The following KIAA1217 variants were observed in gnomAD, a reference collection of about 807,000 sequenced individuals.
The protein encoded by KIAA1217 is KIAA1217.
Under a neutral mutation model 163.9 loss-of-function variants are expected in KIAA1217, and 88 were observed. The observed-to-expected ratio is 0.54, with a 90% CI of 0.45 to 0.64. The LOEUF (loss-of-function observed/expected upper bound fraction) is 0.64, where lower values mean the gene tolerates loss of function less well. Ranked by LOEUF, KIAA1217 falls within the 30% of genes least tolerant of loss-of-function variation. KIAA1217 has a pLI of 0.00. For missense variants in KIAA1217, 2,372 were observed against 2,475.0 expected (o/e 0.96, Z 0.88); for synonymous variants, 903 against 923.1 (o/e 0.98, Z 0.39).
intron 2 of KIAA1217, among the ~76,000 whole-genome samples, chr10:24,043,605 A>G (rs952890482): frequency 3.3e-5 from 5 of 152,166 alleles, no homozygotes; most frequent in Non-Finnish European, 5.9e-5. Flanking sequence ...AGACCTTAGA[A>G]GTATTGACAG....
intron 2 of KIAA1217, among the ~76,000 whole-genome samples, chr10:24,238,137 G>A (rs143509999): frequency 6.6e-5 from 10 of 152,324 alleles, no homozygotes; most frequent in African/African-American, 9.6e-5. Context: ...ACAGCAGACT[G>A]CTCCTTCAGC....
chr10:23,951,487 C>T (rs975912636), intron 1 of KIAA1217, among the ~76,000 whole-genome samples: 1 of 152,062 alleles, frequency 6.6e-6, no homozygotes, highest in Non-Finnish European at 1.5e-5. Context: ...AACGCTTTCT[C>T]TATAAAAATA....
chr10:23,811,719 T>A (rs1837064207), intron 1 of KIAA1217, among the ~76,000 whole-genome samples: 1 of 151,898 alleles, frequency 6.6e-6, no homozygotes. Flanking sequence ...GGAACATGAA[T>A]GCTAGAGACA....
At chr10:23,883,893 C>A (rs1347314878) in intron 1 of KIAA1217, among the ~76,000 whole-genome samples, 1 of 152,082 alleles carries the variant, frequency 6.6e-6, no homozygotes, top group Admixed American at 6.6e-5. Context: ...TGACTGGCTT[C>A]TTTCACTTAG....
intron 1 of KIAA1217, among the ~76,000 whole-genome samples, chr10:23,699,574 C>G (rs1365835707): frequency 1.3e-5 from 2 of 152,180 alleles, no homozygotes; most frequent in Admixed American, 1.3e-4. Flanking sequence ...CTCTCCCCAC[C>G]TATGCAACTA....
At chr10:23,697,165 C>G (rs1564345309) in intron 1 of KIAA1217, among the ~76,000 whole-genome samples, 1 of 152,134 alleles carries the variant, frequency 6.6e-6, no homozygotes, top group Non-Finnish European at 1.5e-5. Flanking sequence ...TGTTAACTTA[C>G]CATGCAGAGA....
intron 2 of KIAA1217, among the ~76,000 whole-genome samples, chr10:24,247,048 C>A (rs1354613088): frequency 6.6e-6 from 1 of 150,738 alleles, no homozygotes; most frequent in Non-Finnish European, 1.5e-5. Context: ...TCATTAAATG[C>A]ATGTTCATGC....
intron 1 of KIAA1217, among the ~76,000 whole-genome samples, chr10:23,916,595 C>T (rs1038719262): frequency 3.3e-5 from 5 of 152,010 alleles, no homozygotes; most frequent in Admixed American, 2.0e-4. Flanking sequence ...AAAGTATTTC[C>T]TTGTAAAGGT....
chr10:24,266,763 C>T (rs908888574), intron 2 of KIAA1217, among the ~76,000 whole-genome samples: 4 of 152,218 alleles, frequency 2.6e-5, no homozygotes, highest in South Asian at 2.1e-4. Context: ...GGACAGAAAT[C>T]GAATTTGGGA....
At chr10:23,913,317 T>A (rs1218989090) in intron 1 of KIAA1217, among the ~76,000 whole-genome samples, 1 of 151,976 alleles carries the variant, frequency 6.6e-6, no homozygotes, top group Non-Finnish European at 1.5e-5. Flanking sequence ...ATGAAGTACA[T>A]GAGTTTATAT....
chr10:24,529,245 T>A (rs1435457127), intron 14 of KIAA1217, among the ~76,000 whole-genome samples: 6 of 152,192 alleles, frequency 3.9e-5, no homozygotes, highest in Non-Finnish European at 7.3e-5. Context: ...TCTGAGGACG[T>A]TCCAGTTCCT....
At chr10:24,435,985 C>T (rs1355999198) in intron 4 of KIAA1217, among the ~76,000 whole-genome samples, 7 of 151,944 alleles carry the variant, frequency 4.6e-5, no homozygotes, top group East Asian at 1.9e-4. Flanking sequence ...CTCAGCCTCC[C>T]GAGTAGCTGG....
At chr10:24,081,048 G>T (rs1028086340) in intron 2 of KIAA1217, among the ~76,000 whole-genome samples, 1 of 152,170 alleles carries the variant, frequency 6.6e-6, no homozygotes, top group Non-Finnish European at 1.5e-5. Flanking sequence ...ATTTATTTAA[G>T]AGTCTGATGG....
chr10:24,030,066 C>T (rs892190692), intron 2 of KIAA1217, among the ~76,000 whole-genome samples: 2 of 152,156 alleles, frequency 1.3e-5, no homozygotes, highest in African/African-American at 4.8e-5. Flanking sequence ...GGGCCATTAT[C>T]TAACCCTCAT....
chr10:23,956,050 A>G (rs1475399768), intron 1 of KIAA1217, among the ~76,000 whole-genome samples: 2 of 152,208 alleles, frequency 1.3e-5, no homozygotes, highest in Non-Finnish European at 2.9e-5. Context: ...GTAAGTTACT[A>G]TGGAAATATT....
intron 3 of KIAA1217, among the ~76,000 whole-genome samples, chr10:24,387,258 A>G (rs1298195983): frequency 6.6e-6 from 1 of 152,224 alleles, no homozygotes; most frequent in Non-Finnish European, 1.5e-5. Context: ...ACTTACGCAA[A>G]TCAATAAACA....
At chr10:23,977,507 A>C (rs1317900609) in intron 1 of KIAA1217, among the ~76,000 whole-genome samples, 1 of 152,164 alleles carries the variant, frequency 6.6e-6, no homozygotes, top group African/African-American at 2.4e-5. Flanking sequence ...ATGCTTGAGA[A>C]CTAGGAACAA....
intron 2 of KIAA1217, among the ~76,000 whole-genome samples, chr10:24,202,229 C>T (rs527414921): frequency 5.3e-5 from 8 of 152,148 alleles, no homozygotes; most frequent in Admixed American, 4.6e-4. Context: ...AAACTAGCTG[C>T]GTTGTTGAAA....
intron 3 of KIAA1217, among the ~76,000 whole-genome samples, chr10:24,421,957 C>T (rs377376571): frequency 6.6e-6 from 1 of 152,152 alleles, no homozygotes; most frequent in East Asian, 1.9e-4. Flanking sequence ...TAAAGACATA[C>T]CTGAGACTGG....
Sources: gnomAD v4.1 joint callset for allele counts (sites outside exome capture counted in the v4.1 genomes callset) on GRCh38, gnomAD v4.1.1 for gene constraint, MANE v1.5 for transcripts, NCBI Gene and HGNC (gene_info 2026-07-23, HGNC 2026-07-21) for gene names.